The following LRMDA variants were observed in gnomAD, a reference collection of about 807,000 sequenced individuals.
LRMDA encodes the protein leucine rich melanocyte differentiation associated.
In LRMDA, 18 loss-of-function variants were observed where a neutral mutation model predicts 29.8. The observed-to-expected ratio is 0.60, with a 90% CI of 0.42 to 0.90. LRMDA has a LOEUF of 0.90. Ranked by LOEUF, LRMDA falls within the 40% of genes least tolerant of loss-of-function variation. The pLI is 0.00. For missense variants in LRMDA, 273 were observed against 273.9 expected, an observed-to-expected ratio of 1.00 and a Z score of 0.02; for synonymous variants, 125 against 109.4, an observed-to-expected ratio of 1.14 and a Z score of -0.89.
At chr10:75,435,704 A>G (rs780616830) in intron 1 of LRMDA, among the ~76,000 whole-genome samples, 22 of 152,192 alleles carry the variant, frequency 1.4e-4, no homozygotes, top group Non-Finnish European at 2.8e-4. Flanking sequence ...TGAGTGATCC[A>G]AATGCTTTAT....
chr10:75,769,875 T>C (rs2132233965), intron 2 of LRMDA, among the ~76,000 whole-genome samples: 1 of 152,214 alleles, frequency 6.6e-6, no homozygotes, highest in Non-Finnish European at 1.5e-5. Context: ...CCCAGCTACT[T>C]GGGAAGCTGA....
At chr10:76,380,076 C>A (rs567965261) in intron 6 of LRMDA, among the ~76,000 whole-genome samples, 29 of 152,180 alleles carry the variant, frequency 1.9e-4, no homozygotes, top group African/African-American at 6.5e-4. Flanking sequence ...CAATAAAATA[C>A]TTGGTATGAA....
chr10:75,681,411 T>C (rs1328907515), intron 2 of LRMDA, among the ~76,000 whole-genome samples: 1 of 152,236 alleles, frequency 6.6e-6, no homozygotes, highest in East Asian at 1.9e-4. Flanking sequence ...ACCTCATTTA[T>C]TCTCTTGCTG....
intron 5 of LRMDA, among the ~76,000 whole-genome samples, chr10:76,120,957 C>G (rs536597966): frequency 2.6e-4 from 40 of 151,830 alleles, no homozygotes; most frequent in Non-Finnish European, 4.7e-4. Context: ...CTCAGTCTCC[C>G]GAGTAGCTGG....
At chr10:76,166,654 CTT>C (rs1225969894) in intron 5 of LRMDA, among the ~76,000 whole-genome samples, 1 of 152,144 alleles carries the variant, frequency 6.6e-6, no homozygotes, top group Non-Finnish European at 1.5e-5. Flanking sequence ...TGATCTTGTT[CTT>C]TTTTATGGCT....
At chr10:75,517,205 A>C (rs1589166538) in intron 2 of LRMDA, among the ~76,000 whole-genome samples, 1 of 152,052 alleles carries the variant, frequency 6.6e-6, no homozygotes, top group Non-Finnish European at 1.5e-5. Context: ...TTCCATATGA[A>C]CTTTAAAGTA....
intron 6 of LRMDA, among the ~76,000 whole-genome samples, chr10:76,555,534 T>C (rs1374124436): frequency 6.6e-6 from 1 of 152,192 alleles, no homozygotes; most frequent in East Asian, 1.9e-4. Flanking sequence ...CCAACTCTGA[T>C]AGACTATTTG....
chr10:75,865,309 T>C (rs564896006), intron 2 of LRMDA, among the ~76,000 whole-genome samples: 1 of 152,190 alleles, frequency 6.6e-6, no homozygotes. Context: ...AAGTTAGAAA[T>C]GTTCTAGATC....
chr10:75,666,846 A>C (rs559012751), intron 2 of LRMDA, among the ~76,000 whole-genome samples: 1 of 152,208 alleles, frequency 6.6e-6, no homozygotes, highest in East Asian at 1.9e-4. Context: ...TTTAAAATTC[A>C]TAATTAGGAC....
intron 2 of LRMDA, among the ~76,000 whole-genome samples, chr10:75,699,726 G>T (rs551836139): frequency 6.6e-5 from 10 of 152,250 alleles, no homozygotes; most frequent in African/African-American, 2.2e-4. Context: ...GCATGTTGTC[G>T]CAATCCCTGG....
intron 5 of LRMDA, among the ~76,000 whole-genome samples, chr10:76,102,210 T>C (rs921262934): frequency 5.9e-5 from 9 of 152,216 alleles, no homozygotes; most frequent in South Asian, 2.1e-4. Context: ...CTTTTCACTA[T>C]TGTGAATAGT....
intron 5 of LRMDA, among the ~76,000 whole-genome samples, chr10:76,323,382 A>C (rs1840795448): frequency 6.6e-6 from 1 of 152,140 alleles, no homozygotes; most frequent in African/African-American, 2.4e-5. Flanking sequence ...ATCCCATAGA[A>C]TGTATTTCCC....
At chr10:76,489,337 G>A (rs1292631391) in intron 6 of LRMDA, among the ~76,000 whole-genome samples, 5 of 151,440 alleles carry the variant, frequency 3.3e-5, no homozygotes, top group Middle Eastern at 3.4e-3. Context: ...TATCCTTTAC[G>A]TTACTGCAAT....
chr10:76,013,299 T>A lies in LRMDA; in HGVS notation c.132-22709T>A, dbSNP rs76713637. On this transcript the variant is annotated intron_variant, in intron 2 of 6. Coordinates refer to ENST00000611255, the MANE Select transcript of LRMDA (RefSeq NM_001305581.2). The stretch of plus-strand genomic sequence containing the variant: ...ATTACATAATAAGATGATTTAATTT[T>A]TTTTTTTTTTTGCTTTGACTTTAAC... Among the ~76,000 whole-genome samples, 770 of 152,034 alleles carry A rather than the reference T, an allele frequency of 5.1e-3. 32 individuals are homozygous for A. In the East Asian group the frequency reaches 0.11, roughly 22 times the overall value.
At chr10:75,611,372 T>C (rs1207585152) in intron 2 of LRMDA, among the ~76,000 whole-genome samples, 1 of 152,160 alleles carries the variant, frequency 6.6e-6, no homozygotes, top group Non-Finnish European at 1.5e-5. Context: ...GTAATAAAAT[T>C]TACCATTCAA....
Position 76,154,626 on chromosome 10 carries a change from G to A in LRMDA, c.516+95843G>A, listed in dbSNP as rs181913212. 1.1e-3 allele frequency among the ~76,000 whole-genome samples: 167 copies of A among 152,262 alleles called. 1 individual carries two copies. The highest frequency in any genetic ancestry group is 3.8e-3 in the African/African-American group (159 of 41,552). On this transcript the variant is annotated intron_variant, in intron 5 of 6. Coordinates refer to ENST00000611255, the MANE Select transcript of LRMDA (RefSeq NM_001305581.2). ...CTGTGGTACCAATATTGCCCTTTCCGAAGGCTTAGGGGTCTGCCTTTATGA... is the reference window on the plus strand; with the variant it reads ...CTGTGGTACCAATATTGCCCTTTCCAAAGGCTTAGGGGTCTGCCTTTATGA...
At chr10:75,713,225 A>G (rs1229101303) in intron 2 of LRMDA, among the ~76,000 whole-genome samples, 1 of 152,210 alleles carries the variant, frequency 6.6e-6, no homozygotes, top group Non-Finnish European at 1.5e-5. Context: ...CAAAGAAAGA[A>G]TTAATTGGGA....
At chr10:76,139,975 G>A (rs1027271007) in intron 5 of LRMDA, among the ~76,000 whole-genome samples, 1 of 151,984 alleles carries the variant, frequency 6.6e-6, no homozygotes, top group Non-Finnish European at 1.5e-5. Flanking sequence ...TTGGAAAGTG[G>A]GGTGACTGAA....
chr10:75,959,535 A>ACG (rs1221330847), intron 2 of LRMDA, among the ~76,000 whole-genome samples: 1 of 151,794 alleles, frequency 6.6e-6, no homozygotes, highest in Non-Finnish European at 1.5e-5. Flanking sequence ...ACACACACAC[A>ACG]CATACTTCTG....
Sources: gnomAD v4.1 joint callset for allele counts (sites outside exome capture counted in the v4.1 genomes callset) on GRCh38, gnomAD v4.1.1 for gene constraint, MANE v1.5 for transcripts, NCBI Gene and HGNC (gene_info 2026-07-23, HGNC 2026-07-21) for gene names.